The following CHAF1A variants were observed in gnomAD, a reference collection of about 807,000 sequenced individuals.
CHAF1A encodes the protein chromatin assembly factor 1 subunit A, also known as CAF-1 subunit A.
In CHAF1A, 5 loss-of-function variants were observed where a neutral mutation model predicts 93.2. That is an observed-to-expected ratio of 0.05 (90% CI 0.03 to 0.11). The LOEUF (loss-of-function observed/expected upper bound fraction) is 0.11, where lower values mean the gene tolerates loss of function less well. CHAF1A is among the 10% of genes least tolerant of loss of function. The pLI, the probability that CHAF1A is intolerant of heterozygous loss-of-function variation, is 1.00. For synonymous variants in CHAF1A, 504 were observed against 510.3 expected (o/e 0.99, Z 0.17); for missense variants, 1,102 against 1,259.9 (o/e 0.87, Z 1.90).
In CHAF1A at chr19:4,429,495, T is replaced by A. The variant is rs756209809; in HGVS notation, c.1662T>A (p.Phe554Leu). 6.2e-7 allele frequency: 1 copy of A among 1,613,800 alleles called. No homozygotes were observed. The highest frequency in any genetic ancestry group is 2.2e-5 in the East Asian group (1 of 44,860). Residue 554 changes from phenylalanine (F) to leucine (L), a missense_variant, in exon 9 of 15, where the codon TTT becomes TTA. Phe to Leu is a conservative substitution (Grantham distance 22). Transcript: ENST00000301280. ...ACGGTGTTCCCGAGAGGAGGAAGTT[T>A]GGCAGGATGAAGCTCCTGCAGTTCT... ...KGDGVPERRK[F>L]GRMKLLQFCE...
At chr19:4,436,414 G>A (rs997813092) in intron 13 of CHAF1A, among the ~76,000 whole-genome samples, 1 of 152,228 alleles carries the variant, frequency 6.6e-6, no homozygotes, top group Non-Finnish European at 1.5e-5. Flanking sequence ...GAGGCGGCTT[G>A]GCGCCGTGGG....
At position 4,437,157 on chromosome 19, in the gene CHAF1A, G is replaced by T. The variant is rs191254620; in HGVS notation, c.2673+3618G>T. 2.7e-3 allele frequency among the ~76,000 whole-genome samples: 403 copies of T among 151,426 alleles called. 3 individuals carry two copies. The highest frequency in any genetic ancestry group is 9.3e-3 in the African/African-American group (379 of 40,708). On this transcript the variant is annotated intron_variant, in intron 13 of 14. Transcript: ENST00000301280. Reference sequence around the variant, plus strand: ...CGGACGCACGAAGGTCACACGTGAAGGAATGGAGACCCAGGCCCAGCTTGA... The same window carrying T: ...CGGACGCACGAAGGTCACACGTGAATGAATGGAGACCCAGGCCCAGCTTGA...
At chr19:4,446,229 C>T, downstream of CHAF1A, 2 of 1,578,262 alleles carry the variant, frequency 1.3e-6, no homozygotes, top group Non-Finnish European at 1.7e-6. Context: ...GCGGGTGGGG[C>T]CCAGGGCCCC....
intron 1 of CHAF1A, among the ~76,000 whole-genome samples, chr19:4,404,554 G>T (rs899979414): frequency 6.6e-6 from 1 of 152,184 alleles, no homozygotes; most frequent in African/African-American, 2.4e-5. Context: ...AAGGAAACAT[G>T]AATTTTCTCA....
At chr19:4,441,761 G>A (rs1046083477) in intron 13 of CHAF1A, among the ~76,000 whole-genome samples, 1 of 151,970 alleles carries the variant, frequency 6.6e-6, no homozygotes, top group African/African-American at 2.4e-5. Context: ...AACTGGGCGT[G>A]GTGTCAGGCG....
At chr19:4,410,691 A>T (rs962531509) in intron 3 of CHAF1A, among the ~76,000 whole-genome samples, 8 of 152,132 alleles carry the variant, frequency 5.3e-5, no homozygotes, top group African/African-American at 1.9e-4. Context: ...CTGCAAAAAA[A>T]TTTTTAAAAG....
chr19:4,448,870 G>A (rs541889645), downstream of CHAF1A: 9 of 174,434 alleles, frequency 5.2e-5, no homozygotes, highest in Non-Finnish European at 9.9e-5. Flanking sequence ...CAAAGAGACC[G>A]AGAGGCCCAT....
At chr19:4,434,510 G>T (rs975436862) in intron 13 of CHAF1A, among the ~76,000 whole-genome samples, 1 of 152,082 alleles carries the variant, frequency 6.6e-6, no homozygotes, top group Non-Finnish European at 1.5e-5. Flanking sequence ...CCTGTGCTCT[G>T]CCCGTCCAAT....
rs1974011549 is a variant in CHAF1A, at chr19:4,422,680, G to C, written c.1132G>C (p.Glu378Gln). 6.2e-7 allele frequency: 1 copy of C among 1,611,244 alleles called. No homozygotes were observed. The highest frequency in any genetic ancestry group is 1.1e-5 in the South Asian group (1 of 90,734). ...KEEAKKKKEE[E>Q]KELKEKERRE... is the part of the protein sequence containing the mutation. ...GGAGGCCAAGAAGAAGAAGGAGGAA[G>C]AGAAGGAGCTTAAGGAAAAGGAGAG... The change falls in exon 5 of 15, where the codon GAG becomes CAG. Residue 378 changes from glutamate to glutamine, a missense_variant. Glu to Gln is a conservative substitution (Grantham distance 29). Around this residue, in one of 6 missense-constraint regions of CHAF1A, gnomAD observed 165 missense variants for 243.9 expected, o/e 0.68. Transcript: ENST00000301280. The surrounding 1 kb of genome is among the most constrained non-coding windows in gnomAD (Gnocchi z 4.6).
chr19:4,407,191 C>T (rs1042372950), intron 2 of CHAF1A, among the ~76,000 whole-genome samples: 1 of 151,958 alleles, frequency 6.6e-6, no homozygotes, highest in African/African-American at 2.4e-5. Flanking sequence ...TGCACTCCAG[C>T]CTGGTGACAG....
chr19:4,404,108 A>T (rs551862221), intron 1 of CHAF1A, among the ~76,000 whole-genome samples: 18 of 152,238 alleles, frequency 1.2e-4, no homozygotes, highest in Non-Finnish European at 2.6e-4. Context: ...GGCATGAGCC[A>T]CCATGCCTGG....
At chr19:4,445,356 C>T (rs1974483617), downstream of CHAF1A, 5 of 1,412,220 alleles carry the variant, frequency 3.5e-6, no homozygotes, top group Admixed American at 6.1e-5. Flanking sequence ...AATTCCACAG[C>T]TCCACGGCTG....
At chr19:4,427,278 TAG>T (rs1974102828) in intron 7 of CHAF1A, among the ~76,000 whole-genome samples, 1 of 143,228 alleles carries the variant, frequency 7.0e-6, no homozygotes, top group Non-Finnish European at 1.5e-5. Flanking sequence ...GCCTCCTGAG[TAG>T]CTGGGACTAC....
At chr19:4,447,531 G>A (rs1277162961), downstream of CHAF1A, 3 of 1,612,642 alleles carry the variant, frequency 1.9e-6, no homozygotes, top group Non-Finnish European at 1.7e-6. Flanking sequence ...GGGCCCCGGG[G>A]GCCAGAAGGC....
At chr19:4,416,722 C>T (rs1157656870) in intron 3 of CHAF1A, among the ~76,000 whole-genome samples, 1 of 152,048 alleles carries the variant, frequency 6.6e-6, no homozygotes, top group Non-Finnish European at 1.5e-5. Flanking sequence ...AAACCCCTAT[C>T]TCCACTAAAA....
chr19:4,409,721 A>G lies in CHAF1A; in HGVS notation c.922A>G (p.Ser308Gly), dbSNP rs1973757205. The change falls in exon 3 of 15, where the codon AGT (serine) becomes GGT (glycine). Residue 308 changes from serine to glycine, a missense_variant. Coordinates refer to ENST00000301280, the MANE Select transcript of CHAF1A (RefSeq NM_005483.3). ...GCCTGCTCCCCCAAAGCAGCACAGC[A>G]GTACCAGTCCCTTCCCCACCTCCAC... is the stretch of plus-strand genomic sequence containing the variant. ...GPPAPPKQHS[S>G]TSPFPTSTPL... 3 of 1,613,932 alleles carry G rather than the reference A, an allele frequency of 1.9e-6. No individual in the cohort carries two copies. The South Asian group carries it at 3.3e-5, about 18-fold the overall frequency.
In CHAF1A at chr19:4,423,749, A is replaced by C. The variant is rs1202308436; in HGVS notation, c.1309-57A>C. 3 of 1,542,476 alleles carry C rather than the reference A, an allele frequency of 1.9e-6. No homozygotes were observed. The African/African-American group carries it at 4.1e-5, about 21-fold the overall frequency. The stretch of plus-strand genomic sequence containing the variant: ...TTCTGGGGGCCTTTGCATGTTTTGC[A>C]ACACATACTGTTCCTCTTCCTCTCC... On this transcript the variant is annotated intron_variant, in intron 6 of 14. Coordinates refer to ENST00000301280, the MANE Select transcript of CHAF1A (RefSeq NM_005483.3).
At chr19:4,428,465 G>A (rs990285422) in intron 7 of CHAF1A, among the ~76,000 whole-genome samples, 199 bp from the exon 8 acceptor site, 7 of 152,018 alleles carry the variant, frequency 4.6e-5, no homozygotes, top group African/African-American at 7.2e-5. Flanking sequence ...CCCCACCGCC[G>A]GCCCTTGAGA....
rs1270309250 is a variant in CHAF1A, at chr19:4,409,743, C to A, written c.944C>A (p.Ser315Tyr). Residue 315 changes from serine to tyrosine, a missense_variant, in exon 3 of 15, where the codon TCC becomes TAC. Ser to Tyr is a moderately radical substitution (Grantham distance 144). Coordinates refer to ENST00000301280, the MANE Select transcript of CHAF1A (RefSeq NM_005483.3). ...QHSSTSPFPT[S>Y]TPLRRITKKF... Reference sequence around the variant, plus strand: ...AGCAGTACCAGTCCCTTCCCCACCTCCACGCCCCTCCGCAGAGTGAGTATC... The same window carrying A: ...AGCAGTACCAGTCCCTTCCCCACCTACACGCCCCTCCGCAGAGTGAGTATC... The A allele has an allele frequency of 1.2e-6, 2 of 1,610,824 alleles. No individual in the cohort carries two copies. Among genetic ancestry groups the A allele is most frequent in the African/African-American group, 2.7e-5 (2 of 74,878 alleles).
Sources: allele counts gnomAD v4.1 joint callset (sites outside exome capture counted in the v4.1 genomes callset), GRCh38; gene constraint gnomAD v4.1.1; regional missense constraint gnomAD v4.1.1; non-coding constraint Gnocchi (gnomAD v3.1); transcripts MANE v1.5; gene names NCBI Gene and HGNC (gene_info 2026-07-23, HGNC 2026-07-21).